CSMD2: variants seen among roughly 807,000 people sequenced by gnomAD.
The protein encoded by CSMD2 is CUB and sushi domain-containing protein 2.
A neutral mutation model predicts 398.5 loss-of-function variants in CSMD2; 130 were observed. The observed-to-expected ratio is 0.33, with a 90% CI of 0.28 to 0.38. The LOEUF is 0.38. Ranked by LOEUF, CSMD2 falls within the 10% of genes least tolerant of loss-of-function variation. CSMD2 has a pLI of 1.00. For synonymous variants in CSMD2, 1,828 were observed against 1,908.5 expected (o/e 0.96, Z 1.10); for missense variants, 3,829 against 4,764.9 (o/e 0.80, Z 5.78).
intron 13 of CSMD2, among the ~76,000 whole-genome samples, chr1:33,752,954 T>C (rs566628303): frequency 2.6e-5 from 4 of 152,190 alleles, no homozygotes; most frequent in Admixed American, 2.0e-4. Flanking sequence ...ATGGAAAAAA[T>C]TTCTAAGCAG....
At chr1:34,046,614 T>C (rs1406192281) in intron 2 of CSMD2, among the ~76,000 whole-genome samples, 2 of 152,190 alleles carry the variant, frequency 1.3e-5, no homozygotes, top group Non-Finnish European at 1.5e-5. Flanking sequence ...ATTTACGACA[T>C]CAGTTGAGAA....
intron 25 of CSMD2, among the ~76,000 whole-genome samples, chr1:33,692,264 T>A (rs1398354093): frequency 6.6e-6 from 1 of 152,236 alleles, no homozygotes; most frequent in African/African-American, 2.4e-5. Flanking sequence ...TACATTTTGA[T>A]GGCATACCTA....
At chr1:34,014,408 C>T (rs1439549994) in intron 3 of CSMD2, among the ~76,000 whole-genome samples, 1 of 152,224 alleles carries the variant, frequency 6.6e-6, no homozygotes, top group Non-Finnish European at 1.5e-5. Context: ...TTATCTCTTC[C>T]TACCACTCGT....
chr1:34,044,931 C>A (rs990766406), intron 2 of CSMD2, among the ~76,000 whole-genome samples: 1 of 151,844 alleles, frequency 6.6e-6, no homozygotes, highest in African/African-American at 2.4e-5. Context: ...CAGACAGCAG[C>A]CACTAGTTAG....
At chr1:33,690,068 G>A (rs770181167) in intron 25 of CSMD2, among the ~76,000 whole-genome samples, 12 of 151,964 alleles carry the variant, frequency 7.9e-5, no homozygotes, top group African/African-American at 2.7e-4. Context: ...TGCGCTTACC[G>A]GCCCAGCCCG....
chr1:33,797,179 T>A (rs943603765), intron 10 of CSMD2, among the ~76,000 whole-genome samples: 7 of 152,216 alleles, frequency 4.6e-5, no homozygotes, highest in African/African-American at 1.2e-4. Flanking sequence ...AAGCATGTGA[T>A]CTTGTGACCT....
At chr1:33,683,133 T>C (rs921926527) in intron 25 of CSMD2, among the ~76,000 whole-genome samples, 8 of 152,258 alleles carry the variant, frequency 5.3e-5, no homozygotes, top group African/African-American at 1.9e-4. Flanking sequence ...CAAATGCTGC[T>C]ATTGTGGATT....
At chr1:33,952,570 A>G (rs540166450) in intron 3 of CSMD2, among the ~76,000 whole-genome samples, 1 of 152,300 alleles carries the variant, frequency 6.6e-6, no homozygotes, top group East Asian at 1.9e-4. Context: ...TTTAATCCTG[A>G]CATTTAATCC....
chr1:33,866,383 G>T (rs959631759), intron 5 of CSMD2, among the ~76,000 whole-genome samples: 4 of 152,182 alleles, frequency 2.6e-5, no homozygotes, highest in Non-Finnish European at 4.4e-5. Context: ...AGAAAGTAAT[G>T]GGGGAGGGAC....
chr1:34,021,732 A>G (rs1185452470), intron 3 of CSMD2, among the ~76,000 whole-genome samples: 1 of 152,166 alleles, frequency 6.6e-6, no homozygotes, highest in Non-Finnish European at 1.5e-5. Context: ...AGGTGATCAC[A>G]TGGTAAAGAG....
intron 21 of CSMD2, 84 bp downstream of exon 21, chr1:33,714,503 T>C: frequency 6.7e-7 from 1 of 1,483,490 alleles, no homozygotes; most frequent in South Asian, 1.2e-5. Context: ...TCTTGGCCTG[T>C]GTGCCGTCCA....
intron 6 of CSMD2, among the ~76,000 whole-genome samples, 187 bp from the exon 7 acceptor site, chr1:33,825,961 T>G (rs573417594): frequency 6.6e-6 from 1 of 152,222 alleles, no homozygotes; most frequent in East Asian, 1.9e-4. Context: ...GAAGGAAAAG[T>G]TACTATCAAG....
chr1:33,972,941 T>A (rs1052473266), intron 3 of CSMD2, among the ~76,000 whole-genome samples: 1 of 152,070 alleles, frequency 6.6e-6, no homozygotes, highest in African/African-American at 2.4e-5. Flanking sequence ...GCTAAAAGAC[T>A]ATGAGTCTCC....
At chr1:33,818,751 C>G (rs1024084337) in intron 9 of CSMD2, among the ~76,000 whole-genome samples, 19 of 152,210 alleles carry the variant, frequency 1.2e-4, no homozygotes, top group Non-Finnish European at 5.9e-5. Context: ...TGACACTCTT[C>G]TAGATTACTT....
Position 33,605,320 on chromosome 1 carries a change from G to C in CSMD2, c.6494C>G (p.Thr2165Ser), listed in dbSNP as rs372112686. 5 of 1,614,064 alleles carry C rather than the reference G, an allele frequency of 3.1e-6. No individual in the cohort carries two copies. The African/African-American group carries it at 6.7e-5, about 22-fold the overall frequency. The change falls in exon 42 of 71, where the codon ACC becomes AGC. Residue 2165 changes from threonine to serine, a missense_variant. By Grantham distance (58) the Thr-to-Ser change is moderately conservative. This residue lies in a region of CSMD2 where 723 missense variants were observed against 758.6 expected (regional missense o/e 0.95). Coordinates refer to ENST00000373381, the MANE Select transcript of CSMD2 (RefSeq NM_001281956.2). Reference sequence around the variant, plus strand: ...CAGGGGGTGGTCCCAGTTCCGGTTGGTGCCATGTTGACACGTGAGGACAGG... The same window carrying C: ...CAGGGGGTGGTCCCAGTTCCGGTTGCTGCCATGTTGACACGTGAGGACAGG... Reference protein sequence around the residue: ...GHPVLTCQHGTNRNWDHPLPK... With the variant: ...GHPVLTCQHGSNRNWDHPLPK...
chr1:33,609,083 C>A (rs115886448), intron 41 of CSMD2, among the ~76,000 whole-genome samples: 2,310 of 152,318 alleles, frequency 0.015, 59 homozygotes, highest in African/African-American at 0.051. Flanking sequence ...TGTGATGAGC[C>A]TGCACACACC....
intron 1 of CSMD2, among the ~76,000 whole-genome samples, chr1:34,130,389 CAAAA>C (rs60733725): frequency 5.8e-4 from 34 of 58,486 alleles, no homozygotes; most frequent in African/African-American, 2.1e-3. Flanking sequence ...TGTCTGGAGG[CAAAA>C]AAAAAAAAAA....
In CSMD2 at chr1:33,587,018, C is replaced by CT. The variant is rs1268797985; in HGVS notation, c.6937+69dup. On this transcript the variant is annotated intron_variant, in intron 45 of 70. Coordinates refer to ENST00000373381, the MANE Select transcript of CSMD2 (RefSeq NM_001281956.2). ...GGGATAAGGTCCACTGGCCCGACAG[C>CT]TCCCCCCGCCACCTTCCCTTCCTTC... is the stretch of plus-strand genomic sequence containing the variant. 1.1e-4 allele frequency: 144 copies of CT among 1,253,164 alleles called. No individual in the cohort carries two copies. In the Middle Eastern group the frequency reaches 1.5e-3, roughly 13 times the overall value. 77.6% of individuals were successfully genotyped at this position (1,253,164 alleles called of 1,614,324 possible). A position where few individuals can be genotyped will look rare whatever the true frequency, so the allele number is the denominator to read the frequency against.
intron 1 of CSMD2, among the ~76,000 whole-genome samples, chr1:34,138,168 C>T (rs1331982006): frequency 6.6e-6 from 1 of 152,142 alleles, no homozygotes; most frequent in Non-Finnish European, 1.5e-5. Flanking sequence ...AAAGTGAAGT[C>T]CCTTTTATGA....
Sources: gnomAD v4.1 joint callset for allele counts (sites outside exome capture counted in the v4.1 genomes callset) on GRCh38, gnomAD v4.1.1 for gene constraint, gnomAD v4.1.1 regional missense constraint, MANE v1.5 for transcripts, NCBI Gene and HGNC (gene_info 2026-07-23, HGNC 2026-07-21) for gene names.